The following SMO variants were observed in gnomAD, a reference collection of about 807,000 sequenced individuals.
The protein encoded by SMO is protein smoothened.
In SMO, 40 loss-of-function variants were observed where a neutral mutation model predicts 81.6. The observed-to-expected ratio is 0.49, with a 90% CI of 0.38 to 0.64. SMO has a LOEUF of 0.64. Among genes scored for constraint, SMO ranks in the 30% least tolerant of loss-of-function variants. SMO has a pLI of 0.00. For synonymous variants in SMO, 434 were observed against 432.1 expected, an observed-to-expected ratio of 1.00 and a Z score of -0.05; for missense variants, 916 against 1,061.1, an observed-to-expected ratio of 0.86 and a Z score of 1.90.
chr7:129,203,749 A>G (rs187466633), intron 2 of SMO, among the ~76,000 whole-genome samples, 160 bp downstream of exon 2: 225 of 152,340 alleles, frequency 1.5e-3, no homozygotes, highest in African/African-American at 5.3e-3. Flanking sequence ...ACTGCAGCTC[A>G]CTGGCTGGAT....
intron 1 of SMO, among the ~76,000 whole-genome samples, chr7:129,198,007 T>C (rs1331624799): frequency 1.3e-5 from 2 of 152,246 alleles, no homozygotes; most frequent in Admixed American, 6.5e-5. Flanking sequence ...ATATCCCCTC[T>C]CTTTCTCGTT....
At chr7:129,195,201 G>A (rs965279276) in intron 1 of SMO, among the ~76,000 whole-genome samples, 2 of 152,134 alleles carry the variant, frequency 1.3e-5, no homozygotes, top group African/African-American at 4.8e-5. Context: ...GTTCCTTCAG[G>A]TATATGCTGA....
chr7:129,193,390 T>C (rs1793506981), intron 1 of SMO, among the ~76,000 whole-genome samples: 2 of 152,200 alleles, frequency 1.3e-5, no homozygotes, highest in Admixed American at 6.5e-5. Flanking sequence ...TGATGGTGGG[T>C]TATTTTCAGG....
At chr7:129,198,237 G>C (rs1026222964) in intron 1 of SMO, among the ~76,000 whole-genome samples, 2 of 152,186 alleles carry the variant, frequency 1.3e-5, no homozygotes, top group Admixed American at 1.3e-4. Flanking sequence ...ATAGGCGTGA[G>C]CCACCATGTC....
chr7:129,204,637 C>T (rs1317596386), intron 2 of SMO, among the ~76,000 whole-genome samples: 1 of 151,778 alleles, frequency 6.6e-6, no homozygotes, highest in Non-Finnish European at 1.5e-5. Flanking sequence ...CAGAGCCAGA[C>T]TCTGTCTCTC....
At position 129,203,504 on chromosome 7, in the gene SMO, G is replaced by A. The variant is rs1288405827; in HGVS notation, c.452G>A (p.Arg151Gln). 7 of 1,606,648 alleles carry A rather than the reference G, an allele frequency of 4.4e-6. No individual in the cohort carries two copies. Among genetic ancestry groups the A allele is most frequent in the East Asian group, 2.2e-5 (1 of 44,758 alleles). ...AGCCGTACCCTCTGCCAGGCCACCCGAGGCCCCTGTGCCATCGTGGAGAGG... is the reference window on the plus strand; with the variant it reads ...AGCCGTACCCTCTGCCAGGCCACCCAAGGCCCCTGTGCCATCGTGGAGAGG... ...LPSRTLCQAT[R>Q]GPCAIVERER... is the part of the protein sequence containing the mutation. Residue 151 changes from arginine to glutamine, a missense_variant, in exon 2 of 12, where the codon CGA (arginine) becomes CAA (glutamine). Transcript: ENST00000249373.
rs926511028 is a variant in SMO, at chr7:129,213,258, G to C, written c.*807G>C. The C allele has an allele frequency of 8.6e-6, 2 of 233,226 alleles. No homozygotes were observed. Among genetic ancestry groups the C allele is most frequent in the African/African-American group, 4.4e-5 (2 of 45,340 alleles). 14.4% of individuals were successfully genotyped at this position (233,226 alleles called of 1,614,324 possible). ...CTGGAGTGGGATAGGAGCAGTGAGT[G>C]ACAAAGCCTCTGAAAGATGCATCAT... On this transcript the variant is annotated 3_prime_UTR_variant, in exon 12 of 12. Coordinates refer to ENST00000249373, the MANE Select transcript of SMO (RefSeq NM_005631.5).
chr7:129,198,227 A>G (rs1286637665), intron 1 of SMO, among the ~76,000 whole-genome samples: 1 of 152,202 alleles, frequency 6.6e-6, no homozygotes, highest in East Asian at 1.9e-4. Context: ...TGCTAGGATT[A>G]TAGGCGTGAG....
At chr7:129,204,071 G>C (rs1793717716) in intron 2 of SMO, among the ~76,000 whole-genome samples, 3 of 152,110 alleles carry the variant, frequency 2.0e-5, no homozygotes, top group Non-Finnish European at 2.9e-5. Context: ...ATAAGCTCAT[G>C]CCTGTAATCC....
rs41274236 is a variant in SMO at position 129,212,670 on chromosome 7, G to A, written c.*219G>A. Reference sequence around the variant, plus strand: ...GCCTCACCCCAGGGACAGGGCCCTGGAGCTCAGGGTCCTTGTTTCTGCCCT... The same window carrying A: ...GCCTCACCCCAGGGACAGGGCCCTGAAGCTCAGGGTCCTTGTTTCTGCCCT... On this transcript the variant is annotated 3_prime_UTR_variant, in exon 12 of 12. Coordinates refer to ENST00000249373, the MANE Select transcript of SMO (RefSeq NM_005631.5). The surrounding 1 kb of genome is among the most constrained non-coding windows in gnomAD (Gnocchi z 5.0). 0.015 allele frequency: 8,691 copies of A among 580,414 alleles called. 135 individuals are homozygous for A. The highest frequency in any genetic ancestry group is 0.037 in the South Asian group (1,704 of 45,798). The allele number at this position is 580,414 out of a possible 1,614,324, so 36.0% of individuals were successfully genotyped here.
intron 8 of SMO, 109 bp downstream of exon 8, chr7:129,209,506 C>T: frequency 1.5e-6 from 1 of 679,426 alleles, no homozygotes; most frequent in South Asian, 1.7e-5. Context: ...CTGCTGCAGA[C>T]AGCAGATTCA....
intron 1 of SMO, among the ~76,000 whole-genome samples, chr7:129,196,774 T>C (rs1025268793): frequency 6.6e-6 from 1 of 152,080 alleles, no homozygotes; most frequent in African/African-American, 2.4e-5. Context: ...TCCCAGCACT[T>C]CGGGAGGCCA....
At chr7:129,207,090 C>T (rs1793785149) in intron 6 of SMO, among the ~76,000 whole-genome samples, 1 of 152,146 alleles carries the variant, frequency 6.6e-6, no homozygotes, top group Non-Finnish European at 1.5e-5. Flanking sequence ...AGTGATCCAC[C>T]ACCTCAGCCT....
chr7:129,205,130 A>G, intron 2 of SMO, 73 bp from the exon 3 acceptor site: 1 of 1,334,410 alleles, frequency 7.5e-7, no homozygotes. Context: ...CATGCTACCT[A>G]GATACCTTTC....
Position 129,189,850 on chromosome 7 carries a change from G to A in SMO, c.331+368G>A, listed in dbSNP as rs1793457510. 6.6e-6 allele frequency among the ~76,000 whole-genome samples: 1 copy of A among 152,136 alleles called. No individual in the cohort carries two copies. The highest frequency in any genetic ancestry group is 2.4e-5 in the African/African-American group (1 of 41,412). On this transcript the variant is annotated intron_variant, in intron 1 of 11. Transcript: ENST00000249373. The surrounding 1 kb of genome is among the most constrained non-coding windows in gnomAD (Gnocchi z 4.7). The stretch of plus-strand genomic sequence containing the variant: ...AGGGTGCCGGGGGATTCAAGGAGGT[G>A]TTGAAGACCCTGGGGAAATTGGAGT...
rs375368180 is a variant in SMO at position 129,212,129 on chromosome 7, A to T, written c.2042A>T (p.Glu681Val). 1 of 1,564,912 alleles carries T rather than the reference A, an allele frequency of 6.4e-7. No individual in the cohort carries two copies. Among genetic ancestry groups the T allele is most frequent in the Non-Finnish European group, 8.7e-7 (1 of 1,155,316 alleles). The change falls in exon 12 of 12, where the codon GAG (glutamate) becomes GTG (valine). Residue 681 changes from glutamate (E) to valine (V), a missense_variant. Around this residue, in one of 4 missense-constraint regions of SMO, gnomAD observed 324 missense variants for 312.9 expected, o/e 1.04. Coordinates refer to ENST00000249373, the MANE Select transcript of SMO (RefSeq NM_005631.5). The surrounding 1 kb of genome is among the most constrained non-coding windows in gnomAD (Gnocchi z 5.0). ...AAGAAGAGGAGGAAGAGGAAGAAGGAGGTGTGCCCGCTGGCGCCGCCCCCT... is the reference window on the plus strand; with the variant it reads ...AAGAAGAGGAGGAAGAGGAAGAAGGTGGTGTGCCCGCTGGCGCCGCCCCCT... ...RKKKRRKRKKEVCPLAPPPEL... is the reference protein window; with the variant it reads ...RKKKRRKRKKVVCPLAPPPEL...
intron 6 of SMO, among the ~76,000 whole-genome samples, chr7:129,207,671 A>C (rs571443688): frequency 2.0e-5 from 3 of 152,286 alleles, no homozygotes; most frequent in Admixed American, 6.5e-5. Flanking sequence ...AGACGGACGG[A>C]TCACTTGAGC....
chr7:129,197,395 A>G (rs1793600000), intron 1 of SMO, among the ~76,000 whole-genome samples: 1 of 152,108 alleles, frequency 6.6e-6, no homozygotes, highest in Admixed American at 6.6e-5. Context: ...CAAATTTGCC[A>G]ATTATTCTTT....
chr7:129,193,798 A>G (rs1793523147), intron 1 of SMO, among the ~76,000 whole-genome samples: 1 of 103,078 alleles, frequency 9.7e-6, no homozygotes, highest in African/African-American at 4.0e-5. Context: ...ATATATATAT[A>G]TATATATATA....
Sources: gnomAD v4.1 joint callset for allele counts (sites outside exome capture counted in the v4.1 genomes callset) on GRCh38, gnomAD v4.1.1 for gene constraint, gnomAD v4.1.1 regional missense constraint, Gnocchi (gnomAD v3.1) non-coding constraint, MANE v1.5 for transcripts, NCBI Gene and HGNC (gene_info 2026-07-23, HGNC 2026-07-21) for gene names.